Variants in GRM7 observed in about 807,000 individuals in gnomAD.
GRM7 encodes the protein glutamate metabotropic receptor 7.
A neutral mutation model predicts 84.5 loss-of-function variants in GRM7; 35 were observed. The observed-to-expected ratio is 0.41, with a 90% CI of 0.32 to 0.55. The LOEUF is 0.55. Among genes scored for constraint, GRM7 ranks in the 20% least tolerant of loss-of-function variants. The pLI, the probability that GRM7 is intolerant of heterozygous loss-of-function variation, is 0.19. For synonymous variants in GRM7, 487 were observed against 455.1 expected, an observed-to-expected ratio of 1.07 and a Z score of -0.89; for missense variants, 1,003 against 1,194.6, an observed-to-expected ratio of 0.84 and a Z score of 2.36.
At chr3:7,403,279 G>T in intron 4 of GRM7, 1 of 204,954 alleles carries the variant, frequency 4.9e-6, no homozygotes, top group Non-Finnish European at 1.1e-5. Flanking sequence ...ACATGAAAGT[G>T]ATTATGATAA....
Position 7,179,346 on chromosome 3 carries a change from C to T in GRM7, c.736+32678C>T, listed in dbSNP as rs539471125. The stretch of plus-strand genomic sequence containing the variant: ...ATTTCTGTTTGTTTCCAAAAATAAA[C>T]CTCTAATATATGCAAGTGACTCTAC... On this transcript the variant is annotated intron_variant, in intron 2 of 9. Coordinates refer to ENST00000357716, the MANE Select transcript of GRM7 (RefSeq NM_000844.4). Among the ~76,000 whole-genome samples the T allele has an allele frequency of 3.6e-4, 55 of 152,268 alleles. 1 individual carries two copies. In the South Asian group the frequency reaches 0.011, roughly 30 times the overall value.
intron 9 of GRM7, among the ~76,000 whole-genome samples, chr3:7,736,439 A>T (rs186887238): frequency 6.6e-6 from 1 of 152,336 alleles, no homozygotes; most frequent in Admixed American, 6.5e-5. Context: ...TTATGCTAAC[A>T]TTAATATATA....
chr3:6,909,553 A>G (rs1177771447), intron 1 of GRM7, among the ~76,000 whole-genome samples: 1 of 152,114 alleles, frequency 6.6e-6, no homozygotes, highest in Non-Finnish European at 1.5e-5. Flanking sequence ...GGGTGGATCA[A>G]TTGTTGGTCC....
At position 7,108,340 on chromosome 3, in the gene GRM7, A is replaced by G. The variant is rs994732794; in HGVS notation, c.520-38112A>G. Among the ~76,000 whole-genome samples, 4 of 152,086 alleles carry G rather than the reference A, an allele frequency of 2.6e-5. No individual in the cohort carries two copies. In the South Asian group the frequency reaches 8.3e-4, roughly 31 times the overall value. On this transcript the variant is annotated intron_variant, in intron 1 of 9. Transcript: ENST00000357716. ...ACAGATGATGAAAGAGTCTGGGCAC[A>G]TGTATGGACAGGCTTTGTGAAGAAT...
At chr3:6,889,855 C>A (rs1202078851) in intron 1 of GRM7, among the ~76,000 whole-genome samples, 1 of 152,170 alleles carries the variant, frequency 6.6e-6, no homozygotes, top group South Asian at 2.1e-4. Flanking sequence ...GTGAATCCAT[C>A]TGGTCCTGGA....
chr3:7,486,622 A>G lies in GRM7; in HGVS notation c.1515+24900A>G, dbSNP rs1473725910. ...CACCTGCTTCTTTCACTTCTCTGCC[A>G]TGTTGACACAGCACAAGACCCTCCC... On this transcript the variant is annotated intron_variant, in intron 7 of 9. Coordinates refer to ENST00000357716, the MANE Select transcript of GRM7 (RefSeq NM_000844.4). This position sits in a 1 kb window ranked among gnomAD's most constrained non-coding sequence, Gnocchi z 5.5. Among the ~76,000 whole-genome samples the G allele has an allele frequency of 2.0e-5, 3 of 152,298 alleles. No individual in the cohort carries two copies. The highest frequency in any genetic ancestry group is 4.8e-5 in the African/African-American group (2 of 41,558).
chr3:7,178,944 C>CAAA (rs35719504), intron 2 of GRM7, among the ~76,000 whole-genome samples: 1 of 149,564 alleles, frequency 6.7e-6, no homozygotes, highest in Non-Finnish European at 1.5e-5. Context: ...CAAAAAAATA[C>CAAA]AAAAAAAAAA....
chr3:7,685,717 A>T (rs1483063836), intron 9 of GRM7, among the ~76,000 whole-genome samples: 1 of 152,152 alleles, frequency 6.6e-6, no homozygotes, highest in East Asian at 1.9e-4. Flanking sequence ...ATAAATAACA[A>T]CTTGTGCTGT....
intron 7 of GRM7, among the ~76,000 whole-genome samples, chr3:7,484,119 C>T (rs926974557): frequency 1.3e-5 from 2 of 152,134 alleles, no homozygotes; most frequent in East Asian, 3.9e-4. Context: ...GAAAGCATCT[C>T]CTAAAGAAAC....
chr3:7,446,165 A>G (rs1345724297), intron 5 of GRM7, among the ~76,000 whole-genome samples: 5 of 152,228 alleles, frequency 3.3e-5, no homozygotes, highest in African/African-American at 4.8e-5. Context: ...AAATTGTGTA[A>G]TGCAAAGTCT....
At chr3:7,123,497 T>A (rs1693293009) in intron 1 of GRM7, among the ~76,000 whole-genome samples, 1 of 152,100 alleles carries the variant, frequency 6.6e-6, no homozygotes, top group South Asian at 2.1e-4. Flanking sequence ...CTCGCGCTTG[T>A]AATCCCAGCT....
chr3:6,918,754 G>T (rs950597600), intron 1 of GRM7, among the ~76,000 whole-genome samples: 5 of 152,242 alleles, frequency 3.3e-5, no homozygotes, highest in Admixed American at 6.5e-5. Flanking sequence ...TAAAGGCTCA[G>T]ATAATAGGAG....
intron 8 of GRM7, among the ~76,000 whole-genome samples, chr3:7,646,967 T>A (rs546019018): frequency 6.6e-6 from 1 of 152,296 alleles, no homozygotes; most frequent in South Asian, 2.1e-4. Context: ...CCAGGTACAC[T>A]TGTAGAGGTG....
At chr3:7,232,052 G>A (rs537542898) in intron 2 of GRM7, among the ~76,000 whole-genome samples, 3 of 152,258 alleles carry the variant, frequency 2.0e-5, no homozygotes, top group East Asian at 1.9e-4. Flanking sequence ...TGGTGGAGAA[G>A]CAGGAAATAG....
At chr3:7,680,345 C>G (rs1317972598) in intron 9 of GRM7, 50 bp downstream of exon 9, 5 of 1,593,214 alleles carry the variant, frequency 3.1e-6, no homozygotes, top group Non-Finnish European at 4.3e-6. Context: ...TCAGGAAGCT[C>G]TAGAAGATGT....
At chr3:7,365,824 T>G (rs1410908699) in intron 4 of GRM7, among the ~76,000 whole-genome samples, 2 of 151,220 alleles carry the variant, frequency 1.3e-5, no homozygotes, top group African/African-American at 2.4e-5. Context: ...GCTTGCAAAC[T>G]TCTCTTTGGA....
chr3:7,228,606 C>T (rs576833458), intron 2 of GRM7, among the ~76,000 whole-genome samples: 120 of 152,168 alleles, frequency 7.9e-4, no homozygotes, highest in Admixed American at 5.6e-3. Flanking sequence ...CCCGTGTATA[C>T]GGATAAAGAG....
At chr3:6,886,777 T>C (rs1041163608) in intron 1 of GRM7, among the ~76,000 whole-genome samples, 4 of 123,244 alleles carry the variant, frequency 3.2e-5, no homozygotes, top group Admixed American at 7.8e-5. Context: ...TCAGTAACAA[T>C]AATAATAATA....
chr3:7,236,574 C>G (rs1416083676), intron 2 of GRM7, among the ~76,000 whole-genome samples: 20 of 152,174 alleles, frequency 1.3e-4, no homozygotes, highest in Admixed American at 1.3e-3. Context: ...AGGCCAGTTT[C>G]CAATCTAGCT....
Sources: gnomAD v4.1 joint callset for allele counts (sites outside exome capture counted in the v4.1 genomes callset) on GRCh38, gnomAD v4.1.1 for gene constraint, Gnocchi (gnomAD v3.1) non-coding constraint, MANE v1.5 for transcripts, NCBI Gene and HGNC (gene_info 2026-07-23, HGNC 2026-07-21) for gene names.